COL18A1: variants seen among roughly 807,000 people sequenced by gnomAD.
The protein encoded by COL18A1 is collagen type XVIII alpha 1 chain, also known as collagen alpha-1(XVIII) chain.
COL18A1 carries 133 observed loss-of-function variants against 168.0 expected under a neutral mutation model. The observed-to-expected ratio is 0.79, with a 90% confidence interval of 0.69 to 0.91. The LOEUF (loss-of-function observed/expected upper bound fraction) is 0.91. Ranked by LOEUF, COL18A1 falls within the 40% of genes least tolerant of loss-of-function variation. The probability of loss-of-function intolerance (pLI) is 0.00; values close to 1 mark genes in which losing one functional copy is unlikely to be tolerated. For missense variants in COL18A1, 2,126 were observed against 1,925.4 expected (o/e 1.10, Z -1.95); for synonymous variants, 949 against 809.0 (o/e 1.17, Z -2.94).
chr21:45,448,383 C>T (rs781724022), intron 2 of COL18A1, among the ~76,000 whole-genome samples: 6 of 152,360 alleles, frequency 3.9e-5, no homozygotes, highest in East Asian at 1.9e-4. Context: ...CGCACACATC[C>T]GTGATGCATA....
intron 3 of COL18A1, among the ~76,000 whole-genome samples, chr21:45,470,571 C>G (rs1166911167): frequency 1.3e-5 from 2 of 150,360 alleles, no homozygotes; most frequent in Non-Finnish European, 3.0e-5. Flanking sequence ...ACTGCAACCT[C>G]TGCCTCCCAG....
chr21:45,480,463 T>C lies in COL18A1; in HGVS notation c.1399-4T>C, dbSNP rs1301933585. On this transcript the variant is annotated splice_polypyrimidine_tract_variant and splice_region_variant and intron_variant, in intron 11 of 41. Coordinates refer to ENST00000651438, the MANE Select transcript of COL18A1 (RefSeq NM_001379500.1). ...CAACGTGTCTCTCCGGCTCTTTTCCTCAGACCTTCATTGACATGGAGGGAT... is the reference window on the plus strand; with the variant it reads ...CAACGTGTCTCTCCGGCTCTTTTCCCCAGACCTTCATTGACATGGAGGGAT... 5 of 1,614,110 alleles carry C rather than the reference T, an allele frequency of 3.1e-6. No homozygotes were observed. Among genetic ancestry groups the C allele is most frequent in the Non-Finnish European group, 4.2e-6 (5 of 1,180,004 alleles).
In COL18A1 at chr21:45,482,782, C is replaced by T. The variant is rs1458304478; in HGVS notation, c.1675-13C>T. 1 of 1,614,224 alleles carries T rather than the reference C, an allele frequency of 6.2e-7. No individual in the cohort carries two copies. The highest frequency in any genetic ancestry group is 8.5e-7 in the Non-Finnish European group (1 of 1,180,040). On this transcript the variant is annotated splice_polypyrimidine_tract_variant and intron_variant, in intron 14 of 41. Transcript: ENST00000651438. Reference sequence around the variant, plus strand: ...AGTCTGATTTTGTCATAATCCTGCTCTTTTCCGTACAGGGTGAAGCAGGCG... The same window carrying T: ...AGTCTGATTTTGTCATAATCCTGCTTTTTTCCGTACAGGGTGAAGCAGGCG...
chr21:45,456,832 G>C, intron 2 of COL18A1: 2 of 1,515,966 alleles, frequency 1.3e-6, no homozygotes, highest in Non-Finnish European at 8.8e-7. Flanking sequence ...CCTGTGCCTC[G>C]CTCCCGACCC....
intron 2 of COL18A1, among the ~76,000 whole-genome samples, chr21:45,464,780 C>T (rs1412836313): frequency 3.3e-5 from 5 of 152,136 alleles, no homozygotes; most frequent in African/African-American, 1.2e-4. Flanking sequence ...ATCTTTTGTC[C>T]TTCGATTTTA....
chr21:45,489,318 G>A (rs2036219048), intron 18 of COL18A1, among the ~76,000 whole-genome samples, 168 bp from the exon 19 acceptor site: 1 of 152,196 alleles, frequency 6.6e-6, no homozygotes, highest in Non-Finnish European at 1.5e-5. Context: ...GGGCCCACGG[G>A]GTCCCTGCAC....
At chr21:45,504,219 G>C (rs868489668) in intron 33 of COL18A1, 165 bp downstream of exon 33, 36 of 937,950 alleles carry the variant, frequency 3.8e-5, no homozygotes, top group Non-Finnish European at 5.0e-5. Context: ...GGATGTTCCT[G>C]TCCCCGGCTC....
intron 37 of COL18A1, chr21:45,506,231 G>T (rs527369360): frequency 2.0e-6 from 1 of 500,620 alleles, no homozygotes; most frequent in Non-Finnish European, 3.6e-6. Context: ...CACAGTGAAC[G>T]TTTACAAAGA....
In COL18A1 at chr21:45,505,079, G is replaced by A. The variant is rs563486294; in HGVS notation, c.2869-55G>A. On this transcript the variant is annotated intron_variant, in intron 34 of 41. Coordinates refer to ENST00000651438, the MANE Select transcript of COL18A1 (RefSeq NM_001379500.1). Reference sequence around the variant, plus strand: ...CAGCTGCAGCCCCACAAGCTTGCCCGCCCCCAGTCCAGGGCACGAGGTAAC... The same window carrying A: ...CAGCTGCAGCCCCACAAGCTTGCCCACCCCCAGTCCAGGGCACGAGGTAAC... 413 of 1,583,924 alleles carry A rather than the reference G, an allele frequency of 2.6e-4. 1 individual carries two copies. In the African/African-American group the frequency reaches 3.1e-3, roughly 12 times the overall value.
At position 45,455,618 on chromosome 21, in the gene COL18A1, T is replaced by C. The variant is rs2034772658; in HGVS notation, c.107-12624T>C. ...CCGGGCCAACCTGCTGAACCTGAACTGGCTTTGGTTCAATAATGAGGACAC... is the reference window on the plus strand; with the variant it reads ...CCGGGCCAACCTGCTGAACCTGAACCGGCTTTGGTTCAATAATGAGGACAC... On this transcript the variant is annotated intron_variant, in intron 2 of 41. Coordinates refer to ENST00000651438, the MANE Select transcript of COL18A1 (RefSeq NM_001379500.1). 1 of 1,613,846 alleles carries C rather than the reference T, an allele frequency of 6.2e-7. No homozygotes were observed. Among genetic ancestry groups the C allele is most frequent in the African/African-American group, 1.3e-5 (1 of 74,942 alleles).
At chr21:45,474,445 C>T (rs114820246) in intron 4 of COL18A1, among the ~76,000 whole-genome samples, 1 of 143,076 alleles carries the variant, frequency 7.0e-6, no homozygotes, top group African/African-American at 2.6e-5. Flanking sequence ...TGGTGTGTCT[C>T]TGTGTGTAGT....
chr21:45,489,084 G>A (rs9980525), intron 18 of COL18A1, among the ~76,000 whole-genome samples: 23,608 of 152,210 alleles, frequency 0.16, 2,041 homozygotes, highest in Admixed American at 0.2. Flanking sequence ...ACTCTCACGC[G>A]TCACCAGCCC....
In COL18A1 at chr21:45,500,229, G is replaced by T. The variant is rs1472479596; in HGVS notation, c.2683+2568G>T. Among the ~76,000 whole-genome samples the T allele has an allele frequency of 9.6e-5, 14 of 145,924 alleles. No individual in the cohort carries two copies. The South Asian group carries it at 2.0e-3, about 21-fold the overall frequency. ...GTGGCTGGGTTGGGTGTATAGTGTGGAGGTGTGAGGGGGTGTGTGGAGTGT... is the reference window on the plus strand; with the variant it reads ...GTGGCTGGGTTGGGTGTATAGTGTGTAGGTGTGAGGGGGTGTGTGGAGTGT... On this transcript the variant is annotated intron_variant, in intron 32 of 41. Coordinates refer to ENST00000651438, the MANE Select transcript of COL18A1 (RefSeq NM_001379500.1).
chr21:45,421,744 C>T, intron 2 of COL18A1: 1 of 394,420 alleles, frequency 2.5e-6, no homozygotes, highest in Non-Finnish European at 5.1e-6. Context: ...TGCCACCTCC[C>T]AGGCAGTAGG....
Position 45,512,555 on chromosome 21 carries a change from A to C in COL18A1, c.*157A>C, listed in dbSNP as rs1568958256. 1 of 698,112 alleles carries C rather than the reference A, an allele frequency of 1.4e-6. No homozygotes were observed. Among genetic ancestry groups the C allele is most frequent in the East Asian group, 2.7e-5 (1 of 36,862 alleles). 43.2% of individuals were successfully genotyped at this position (698,112 alleles called of 1,614,324 possible). On this transcript the variant is annotated 3_prime_UTR_variant, in exon 42 of 42. Coordinates refer to ENST00000651438, the MANE Select transcript of COL18A1 (RefSeq NM_001379500.1). Reference sequence around the variant, plus strand: ...ATGTAATCCTCAAGAAATAAAAGGAAGCCAAAGAGTGTATTTTTTTAAAAG... The same window carrying C: ...ATGTAATCCTCAAGAAATAAAAGGACGCCAAAGAGTGTATTTTTTTAAAAG...
intron 28 of COL18A1, 196 bp downstream of exon 28, chr21:45,495,111 C>T: frequency 6.1e-6 from 4 of 653,278 alleles, no homozygotes; most frequent in Non-Finnish European, 1.1e-5. Flanking sequence ...GGGCCAGTAC[C>T]CAGGAGGAAG....
chr21:45,510,363 C>T (rs936235212), intron 40 of COL18A1, 102 bp downstream of exon 40: 23 of 1,307,158 alleles, frequency 1.8e-5, no homozygotes, highest in East Asian at 1.0e-4. Context: ...CTGGAGGCCA[C>T]CATGTTACAG....
In COL18A1 at chr21:45,504,585, C is replaced by T. The variant is rs934334461; in HGVS notation, c.2868+29C>T. On this transcript the variant is annotated intron_variant, in intron 34 of 41. Coordinates refer to ENST00000651438, the MANE Select transcript of COL18A1 (RefSeq NM_001379500.1). ...AGTCCCAGCCTGTGCAGGCAGAGCC[C>T]ATGTCCCAGGGGTCTGGGTGCAGGA... 7.1e-6 allele frequency: 11 copies of T among 1,554,382 alleles called. No homozygotes were observed. The African/African-American group carries it at 1.5e-4, about 21-fold the overall frequency.
At chr21:45,496,748 G>A (rs2036557335) in intron 30 of COL18A1, among the ~76,000 whole-genome samples, 180 bp downstream of exon 30, 2 of 152,256 alleles carry the variant, frequency 1.3e-5, no homozygotes, top group African/African-American at 4.8e-5. Flanking sequence ...GCCTGGGAAA[G>A]GGAGGGCTCT....
Sources: allele counts gnomAD v4.1 joint callset (sites outside exome capture counted in the v4.1 genomes callset), GRCh38; gene constraint gnomAD v4.1.1; transcripts MANE v1.5; gene names NCBI Gene and HGNC (gene_info 2026-07-23, HGNC 2026-07-21).